The following KCNS3 variants were observed in gnomAD, a reference collection of about 807,000 sequenced individuals.
KCNS3 encodes the protein potassium voltage-gated channel modifier subfamily S member 3, also known as delayed-rectifier potassium channel regulatory subunit KCNS3.
A neutral mutation model predicts 31.0 loss-of-function variants in KCNS3; 13 were observed. The ratio of observed to expected loss-of-function variants is 0.42; its 90% CI spans 0.27 to 0.67. The LOEUF (loss-of-function observed/expected upper bound fraction) is 0.67, where lower values mean the gene tolerates loss of function less well. Among genes scored for constraint, KCNS3 ranks in the 30% least tolerant of loss-of-function variants. KCNS3 has a pLI of 0.25. For synonymous variants in KCNS3, 238 were observed against 241.5 expected (o/e 0.99, Z 0.13); for missense variants, 545 against 622.4 (o/e 0.88, Z 1.32).
chr2:17,911,429 C>A (rs1176229327), intron 1 of KCNS3, among the ~76,000 whole-genome samples: 2 of 152,160 alleles, frequency 1.3e-5, no homozygotes, highest in Non-Finnish European at 2.9e-5. Flanking sequence ...CTATCTCATT[C>A]CCCTTTTCCT....
intron 1 of KCNS3, among the ~76,000 whole-genome samples, chr2:17,884,256 T>TTAA (rs1491354837): frequency 1.2e-5 from 1 of 86,832 alleles, no homozygotes; most frequent in African/African-American, 4.5e-5. Context: ...AAAGTATAAT[T>TTAA]AAAAAAAAAA....
At chr2:17,884,195 T>G (rs1385191747) in intron 1 of KCNS3, among the ~76,000 whole-genome samples, 1 of 146,546 alleles carries the variant, frequency 6.8e-6, no homozygotes, top group Admixed American at 6.9e-5. Context: ...ACATGGCACA[T>G]GTATACATAT....
intron 1 of KCNS3, among the ~76,000 whole-genome samples, chr2:17,884,304 T>TATATATATATATATATATATATATA (rs1174398041): frequency 7.7e-6 from 1 of 129,498 alleles, no homozygotes; most frequent in African/African-American, 2.8e-5. Context: ...TATATATATA[T>TATATATATATATATATATATATATA]TTAAAAAGAA....
chr2:17,880,778 T>C (rs1050863797), intron 1 of KCNS3, among the ~76,000 whole-genome samples: 6 of 152,214 alleles, frequency 3.9e-5, no homozygotes, highest in Admixed American at 3.9e-4. Flanking sequence ...CAACTGAGTA[T>C]CATCATCTTC....
Position 17,897,356 on chromosome 2 carries a change from C to G in KCNS3, c.-252+18550C>G, listed in dbSNP as rs531773717. Among the ~76,000 whole-genome samples, 23 of 152,318 alleles carry G rather than the reference C, an allele frequency of 1.5e-4. No individual in the cohort carries two copies. In the South Asian group the frequency reaches 4.8e-3, roughly 32 times the overall value. On this transcript the variant is annotated intron_variant, in intron 1 of 2. Transcript: ENST00000304101. ...TTGTGATTAGACCATGAAGAACATA[C>G]AAATGCATGCGTCTTTTTGGTAGAA... is the stretch of plus-strand genomic sequence containing the variant.
rs571981662 is a variant in KCNS3, at chr2:17,894,437, G to A, written c.-252+15631G>A. Among the ~76,000 whole-genome samples the A allele has an allele frequency of 1.2e-4, 19 of 152,240 alleles. 1 individual carries two copies. The South Asian group carries it at 3.1e-3, about 25-fold the overall frequency. The stretch of plus-strand genomic sequence containing the variant: ...ATGTAAGTAGACAAACCACAAAAGA[G>A]CATATTATATTTTTTTGTGTAACAG... On this transcript the variant is annotated intron_variant, in intron 1 of 2. Transcript: ENST00000304101.
intron 1 of KCNS3, among the ~76,000 whole-genome samples, chr2:17,887,491 C>A (rs998084498): frequency 6.8e-6 from 1 of 148,086 alleles, no homozygotes; most frequent in Admixed American, 6.7e-5. Flanking sequence ...TATGATCTAT[C>A]TATCTATCTA....
chr2:17,883,244 A>C (rs1282174487), intron 1 of KCNS3, among the ~76,000 whole-genome samples: 1 of 152,246 alleles, frequency 6.6e-6, no homozygotes, highest in East Asian at 1.9e-4. Flanking sequence ...CAAAGGTGAC[A>C]TAATGATTAA....
At chr2:17,919,108 C>T (rs1219178272) in intron 2 of KCNS3, among the ~76,000 whole-genome samples, 1 of 152,246 alleles carries the variant, frequency 6.6e-6, no homozygotes, top group Non-Finnish European at 1.5e-5. Flanking sequence ...GTTTGGCTCA[C>T]TAAATCACTC....
At position 17,912,255 on chromosome 2, in the gene KCNS3, A is replaced by C. The variant is rs184781897; in HGVS notation, c.-251-5425A>C. ...GATGTCCTCCAGAAAGGTTTCTTTAAGAAGTTTTCACTGCTATCATTGTAT... is the reference window on the plus strand; with the variant it reads ...GATGTCCTCCAGAAAGGTTTCTTTACGAAGTTTTCACTGCTATCATTGTAT... On this transcript the variant is annotated intron_variant, in intron 1 of 2. Coordinates refer to ENST00000304101, the MANE Select transcript of KCNS3 (RefSeq NM_002252.5). Among the ~76,000 whole-genome samples the C allele has an allele frequency of 5.7e-3, 873 of 152,362 alleles. 2 individuals carry two copies. The highest frequency in any genetic ancestry group is 0.01 in the Middle Eastern group (3 of 294).
intron 2 of KCNS3, among the ~76,000 whole-genome samples, chr2:17,920,294 A>G (rs966206889): frequency 1.3e-5 from 2 of 152,210 alleles, no homozygotes; most frequent in African/African-American, 4.8e-5. Context: ...GTATTATAAT[A>G]CTTTCATTAC....
chr2:17,883,287 A>G (rs765864567), intron 1 of KCNS3, among the ~76,000 whole-genome samples: 3 of 151,234 alleles, frequency 2.0e-5, no homozygotes, highest in Middle Eastern at 3.4e-3. Flanking sequence ...TTCTCATTAT[A>G]TATTCAAATC....
At chr2:17,889,771 A>G (rs187780044) in intron 1 of KCNS3, among the ~76,000 whole-genome samples, 13 of 152,316 alleles carry the variant, frequency 8.5e-5, no homozygotes, top group Admixed American at 5.2e-4. Context: ...CATCCCTGGT[A>G]TGAAATCCAG....
intron 1 of KCNS3, among the ~76,000 whole-genome samples, chr2:17,916,999 C>G (rs1662606052): frequency 6.6e-6 from 1 of 152,080 alleles, no homozygotes; most frequent in African/African-American, 2.4e-5. Flanking sequence ...TGGGTGGAAA[C>G]TGGATTTTTT....
intron 2 of KCNS3, among the ~76,000 whole-genome samples, chr2:17,921,097 G>A (rs1249415731): frequency 6.6e-6 from 1 of 152,158 alleles, no homozygotes; most frequent in Non-Finnish European, 1.5e-5. Flanking sequence ...CCTATGTACT[G>A]CACCAGTTGT....
rs762408332 is a variant in KCNS3, at chr2:17,931,737, C to T, written c.729C>T (p.Ala243=). 16 of 1,613,806 alleles carry T rather than the reference C, an allele frequency of 9.9e-6. No individual in the cohort carries two copies. Among genetic ancestry groups the T allele is most frequent in the East Asian group, 2.2e-5 (1 of 44,882 alleles). ...FTGELAVRLA[A]APCQKKFWKN... ...GGGAGCTTGCCGTCCGGCTGGCTGC[C>T]GCTCCTTGTCAAAAGAAATTCTGGA... Residue 243 remains alanine, a synonymous_variant, in exon 3 of 3, where the codon GCC becomes GCT. Coordinates refer to ENST00000304101, the MANE Select transcript of KCNS3 (RefSeq NM_002252.5). This position sits in a 1 kb window ranked among gnomAD's most constrained non-coding sequence, Gnocchi z 5.4.
chr2:17,919,211 A>G (rs915019330), intron 2 of KCNS3, among the ~76,000 whole-genome samples: 1 of 152,156 alleles, frequency 6.6e-6, no homozygotes, highest in Non-Finnish European at 1.5e-5. Flanking sequence ...CTAAATACAG[A>G]TCCAGAGGGA....
chr2:17,931,754 A>T lies in KCNS3; in HGVS notation c.746A>T (p.Lys249Ile). ...VRLAAAPCQKKFWKNPLNIID... is the reference protein window; with the variant it reads ...VRLAAAPCQKIFWKNPLNIID... ...CTGGCTGCCGCTCCTTGTCAAAAGA[A>T]ATTCTGGAAAAACCCTCTGAACATC... The change falls in exon 3 of 3, where the codon AAA (lysine) becomes ATA (isoleucine). Residue 249 changes from lysine (K) to isoleucine (I), a missense_variant. Physicochemically the swap from Lys to Ile is moderately radical, Grantham distance 102. Coordinates refer to ENST00000304101, the MANE Select transcript of KCNS3 (RefSeq NM_002252.5). The surrounding 1 kb of genome is among the most constrained non-coding windows in gnomAD (Gnocchi z 5.4). 6.2e-7 allele frequency: 1 copy of T among 1,613,930 alleles called. No homozygotes were observed. Among genetic ancestry groups the T allele is most frequent in the Non-Finnish European group, 8.5e-7 (1 of 1,179,840 alleles).
chr2:17,905,256 CTGTT>C (rs1293492864), intron 1 of KCNS3, among the ~76,000 whole-genome samples: 1 of 152,152 alleles, frequency 6.6e-6, no homozygotes, highest in Non-Finnish European at 1.5e-5. Flanking sequence ...ATTTGGCTCT[CTGTT>C]TGTCTGTTAT....
Sources: gnomAD v4.1 joint callset for allele counts (sites outside exome capture counted in the v4.1 genomes callset) on GRCh38, gnomAD v4.1.1 for gene constraint, Gnocchi (gnomAD v3.1) non-coding constraint, MANE v1.5 for transcripts, NCBI Gene and HGNC (gene_info 2026-07-23, HGNC 2026-07-21) for gene names.